KIRREL3: variants seen among roughly 807,000 people sequenced by gnomAD.
KIRREL3 encodes kin of IRRE-like protein 3.
Under a neutral mutation model 89.7 loss-of-function variants are expected in KIRREL3, and 36 were observed. That is an observed-to-expected ratio of 0.40 (90% CI 0.31 to 0.53). KIRREL3 has a LOEUF of 0.53. Among genes scored for constraint, KIRREL3 ranks in the 20% least tolerant of loss-of-function variants. KIRREL3 has a pLI of 0.49. For missense variants in KIRREL3, 864 were observed against 1,056.6 expected (o/e 0.82, Z 2.53); for synonymous variants, 445 against 441.4 (o/e 1.01, Z -0.10).
chr11:126,605,512 G>A lies in KIRREL3; in HGVS notation c.56-42600C>T, dbSNP rs954298972. On this transcript the variant is annotated intron_variant, in intron 1 of 16. Coordinates refer to ENST00000525144, the MANE Select transcript of KIRREL3 (RefSeq NM_032531.4). This position sits in a 1 kb window ranked among gnomAD's most constrained non-coding sequence, Gnocchi z 5.7. ...TGGATGAGACTCAGGATGCCAGGAG[G>A]GAGGCACAGCCCACACTTAGCAGCT... is the stretch of plus-strand genomic sequence containing the variant. Among the ~76,000 whole-genome samples, 10 of 152,192 alleles carry A rather than the reference G, an allele frequency of 6.6e-5. No homozygotes were observed. Among genetic ancestry groups the A allele is most frequent in the African/African-American group, 2.4e-4 (10 of 41,458 alleles).
In KIRREL3 at chr11:126,664,095, C is replaced by T. The variant is rs1331407233; in HGVS notation, c.56-101183G>A. 1.1e-4 allele frequency among the ~76,000 whole-genome samples: 17 copies of T among 152,186 alleles called. No individual in the cohort carries two copies. Among genetic ancestry groups the T allele is most frequent in the Admixed American group, 1.1e-3 (17 of 15,278 alleles). ...ATTCTGCATGGCAACCTAATAGAGG[C>T]TTAGCTTTTCATTAAAATTTCCATT... On this transcript the variant is annotated intron_variant, in intron 1 of 16. Coordinates refer to ENST00000525144, the MANE Select transcript of KIRREL3 (RefSeq NM_032531.4). The surrounding 1 kb of genome is among the most constrained non-coding windows in gnomAD (Gnocchi z 5.4).
chr11:126,628,165 G>A lies in KIRREL3; in HGVS notation c.56-65253C>T, dbSNP rs1322535229. On this transcript the variant is annotated intron_variant, in intron 1 of 16. Transcript: ENST00000525144. This position sits in a 1 kb window ranked among gnomAD's most constrained non-coding sequence, Gnocchi z 5.2. ...AGACTGGTCCCTCTGAACACACTTC[G>A]CCCACCCCTCCAAGGCTTCTGGCCT... Among the ~76,000 whole-genome samples the A allele has an allele frequency of 6.6e-6, 1 of 152,118 alleles. No individual in the cohort carries two copies.
intron 2 of KIRREL3, among the ~76,000 whole-genome samples, chr11:126,556,465 G>C (rs1028538851): frequency 6.6e-5 from 10 of 152,050 alleles, no homozygotes; most frequent in Admixed American, 6.6e-4. Context: ...ACATAGTGAG[G>C]CACTGTCTCT....
intron 11 of KIRREL3, among the ~76,000 whole-genome samples, chr11:126,439,094 G>A (rs1477688404): frequency 6.6e-6 from 1 of 152,202 alleles, no homozygotes; most frequent in Non-Finnish European, 1.5e-5. Flanking sequence ...TTGAGTACAA[G>A]ACTCTGCCCC....
intron 1 of KIRREL3, among the ~76,000 whole-genome samples, chr11:126,986,500 C>T (rs942032494): frequency 6.6e-6 from 1 of 152,162 alleles, no homozygotes; most frequent in African/African-American, 2.4e-5. Context: ...AATCAACTTT[C>T]TAAAGTGCAG....
intron 4 of KIRREL3, among the ~76,000 whole-genome samples, chr11:126,478,004 G>A (rs1235493105): frequency 2.0e-5 from 3 of 152,216 alleles, no homozygotes; most frequent in African/African-American, 7.2e-5. Context: ...GGGGCTTCCC[G>A]CTGAAGGAGA....
intron 1 of KIRREL3, among the ~76,000 whole-genome samples, chr11:126,834,511 C>T (rs957749285): frequency 2.0e-5 from 3 of 152,188 alleles, no homozygotes; most frequent in East Asian, 3.9e-4. Flanking sequence ...ATGACATTGG[C>T]GATCATCTCA....
Position 126,639,954 on chromosome 11 carries a change from T to C in KIRREL3, c.56-77042A>G, listed in dbSNP as rs1464931035. The stretch of plus-strand genomic sequence containing the variant: ...ACTTTAATATAGATATCCATTAACT[T>C]ATGCTAAATTACAGTAAAGCATCTA... On this transcript the variant is annotated intron_variant, in intron 1 of 16. Coordinates refer to ENST00000525144, the MANE Select transcript of KIRREL3 (RefSeq NM_032531.4). The surrounding 1 kb of genome is among the most constrained non-coding windows in gnomAD (Gnocchi z 4.3). Among the ~76,000 whole-genome samples the C allele has an allele frequency of 6.6e-6, 1 of 152,232 alleles. No homozygotes were observed. The highest frequency in any genetic ancestry group is 1.5e-5 in the Non-Finnish European group (1 of 68,044).
intron 1 of KIRREL3, among the ~76,000 whole-genome samples, chr11:126,975,938 C>CCCTACCTCCCTT (rs767405296): frequency 9.6e-6 from 1 of 104,300 alleles, no homozygotes; most frequent in Non-Finnish European, 1.9e-5. Context: ...CTCCCTCCCT[C>CCCTACCTCCCTT]CCTTCCTTCC....
rs891626022 is a variant in KIRREL3 at position 126,844,113 on chromosome 11, C to A, written c.55+156342G>T. ...CCCTCTTTTGGAGTCTGGATGGGGA[C>A]CCCTTTCCAGTAACATCTTCCTGGT... On this transcript the variant is annotated intron_variant, in intron 1 of 16. Coordinates refer to ENST00000525144, the MANE Select transcript of KIRREL3 (RefSeq NM_032531.4). The surrounding 1 kb of genome is among the most constrained non-coding windows in gnomAD (Gnocchi z 4.8). Among the ~76,000 whole-genome samples the A allele has an allele frequency of 1.3e-5, 2 of 152,146 alleles. No homozygotes were observed. The highest frequency in any genetic ancestry group is 2.1e-4 in the South Asian group (1 of 4,824).
chr11:126,499,849 G>A (rs1438424754), intron 4 of KIRREL3, among the ~76,000 whole-genome samples: 2 of 152,122 alleles, frequency 1.3e-5, no homozygotes, highest in South Asian at 2.1e-4. Flanking sequence ...TTATATATTC[G>A]AGGGCTTCTT....
chr11:126,920,931 A>T (rs1947248676), intron 1 of KIRREL3, among the ~76,000 whole-genome samples: 1 of 152,178 alleles, frequency 6.6e-6, no homozygotes, highest in Non-Finnish European at 1.5e-5. Flanking sequence ...TGTCAACTTG[A>T]CTGAATTATG....
At chr11:126,934,088 C>G (rs1793650) in intron 1 of KIRREL3, among the ~76,000 whole-genome samples, 2,790 of 151,774 alleles carry the variant, frequency 0.018, 68 homozygotes, top group South Asian at 0.04. Flanking sequence ...GTAATCCACA[C>G]AGTGTGGTGC....
rs1945647903 is a variant in KIRREL3 at position 126,666,038 on chromosome 11, T to C, written c.56-103126A>G. On this transcript the variant is annotated intron_variant, in intron 1 of 16. Coordinates refer to ENST00000525144, the MANE Select transcript of KIRREL3 (RefSeq NM_032531.4). The surrounding 1 kb of genome is among the most constrained non-coding windows in gnomAD (Gnocchi z 4.2). ...AATCAGAAAGCCTGGAACTATGATC[T>C]GGACCTTTTTATTTTGAAGGCGCTC... Among the ~76,000 whole-genome samples the C allele has an allele frequency of 6.6e-6, 1 of 152,232 alleles. No homozygotes were observed. Among genetic ancestry groups the C allele is most frequent in the South Asian group, 2.1e-4 (1 of 4,826 alleles).
chr11:126,680,060 C>T (rs1444962565), intron 1 of KIRREL3, among the ~76,000 whole-genome samples: 2 of 152,160 alleles, frequency 1.3e-5, no homozygotes, highest in Non-Finnish European at 2.9e-5. Context: ...TGCTTCTCCT[C>T]ATTAAAGAAA....
At chr11:126,509,574 G>C (rs185887620) in intron 4 of KIRREL3, among the ~76,000 whole-genome samples, 1 of 152,322 alleles carries the variant, frequency 6.6e-6, no homozygotes, top group African/African-American at 2.4e-5. Context: ...ACATTCCCAT[G>C]ATGGACCCAG....
intron 4 of KIRREL3, among the ~76,000 whole-genome samples, chr11:126,507,335 T>C (rs1958057032): frequency 6.6e-6 from 1 of 152,146 alleles, no homozygotes; most frequent in East Asian, 1.9e-4. Context: ...TGGATGAATT[T>C]AATGATAATG....
rs143425237 is a variant in KIRREL3, at chr11:126,492,314, C to A, written c.434-18848G>T. 4.6e-3 allele frequency among the ~76,000 whole-genome samples: 702 copies of A among 152,236 alleles called. 6 individuals are homozygous for A. Among genetic ancestry groups the A allele is most frequent in the African/African-American group, 0.016 (669 of 41,544 alleles). On this transcript the variant is annotated intron_variant, in intron 4 of 16. Transcript: ENST00000525144. The surrounding 1 kb of genome is among the most constrained non-coding windows in gnomAD (Gnocchi z 4.8). ...TCTTTTTCCCAAGCCTGTTCCCCTA[C>A]CCCCGATGAGGGATGAGGTGGATGT...
chr11:126,718,469 C>T (rs1391840163), intron 1 of KIRREL3, among the ~76,000 whole-genome samples: 1 of 152,190 alleles, frequency 6.6e-6, no homozygotes, highest in Non-Finnish European at 1.5e-5. Flanking sequence ...TTTGGGGGCA[C>T]TGGAAACACT....
Sources: allele counts gnomAD v4.1 joint callset (sites outside exome capture counted in the v4.1 genomes callset), GRCh38; gene constraint gnomAD v4.1.1; non-coding constraint Gnocchi (gnomAD v3.1); transcripts MANE v1.5; gene names NCBI Gene and HGNC (gene_info 2026-07-23, HGNC 2026-07-21).